RYR3: variants seen among roughly 807,000 people sequenced by gnomAD.
RYR3 encodes the protein ryanodine receptor 3, also known as brain ryanodine receptor-calcium release channel.
In RYR3, 207 loss-of-function variants were observed where a neutral mutation model predicts 584.3. The ratio of observed to expected loss-of-function variants is 0.35; its 90% CI spans 0.32 to 0.40. RYR3 has a LOEUF of 0.40. Among genes scored for constraint, RYR3 ranks in the 10% least tolerant of loss-of-function variants. The pLI, the probability that RYR3 is intolerant of heterozygous loss-of-function variation, is 1.00. For missense variants in RYR3, 5,616 were observed against 6,089.2 expected, an observed-to-expected ratio of 0.92 and a Z score of 2.59; for synonymous variants, 2,416 against 2,248.5, an observed-to-expected ratio of 1.07 and a Z score of -2.11.
chr15:33,341,699 T>G (rs1452799814), intron 1 of RYR3, among the ~76,000 whole-genome samples: 1 of 152,138 alleles, frequency 6.6e-6, no homozygotes, highest in Non-Finnish European at 1.5e-5. Flanking sequence ...GAACCCTTGT[T>G]GAAAAAGGCT....
At chr15:33,834,388 G>A (rs576779969) in intron 86 of RYR3, among the ~76,000 whole-genome samples, 10 of 151,750 alleles carry the variant, frequency 6.6e-5, no homozygotes, top group Admixed American at 3.3e-4. Context: ...AGAAAAGTTC[G>A]TCAGAGATGC....
At position 33,311,132 on chromosome 15, in the gene RYR3, G is replaced by A. The variant is rs559849561; in HGVS notation, c.51+36G>A. ...GCGGCGGGGGCGAGGCCGTGGGCAG[G>A]TGGGGAGGAGCGCGGAGCGCGGCGA... On this transcript the variant is annotated intron_variant, in intron 1 of 103. Coordinates refer to ENST00000634891, the MANE Select transcript of RYR3 (RefSeq NM_001036.6). The surrounding 1 kb of genome is among the most constrained non-coding windows in gnomAD (Gnocchi z 4.4). 2 of 1,510,842 alleles carry A rather than the reference G, an allele frequency of 1.3e-6. No homozygotes were observed. Among genetic ancestry groups the A allele is most frequent in the South Asian group, 1.2e-5 (1 of 80,914 alleles). The allele number at this position is 1,510,842 out of a possible 1,614,324, so 93.6% of individuals were successfully genotyped here. A position where few individuals can be genotyped will look rare whatever the true frequency, so the allele number is the denominator to read the frequency against.
At chr15:33,488,161 C>G (rs1596338052) in intron 2 of RYR3, among the ~76,000 whole-genome samples, 1 of 152,116 alleles carries the variant, frequency 6.6e-6, no homozygotes, top group Non-Finnish European at 1.5e-5. Flanking sequence ...ATACCAAACC[C>G]CTCTTCTTAT....
chr15:33,730,873 T>G (rs1399882134), intron 47 of RYR3, among the ~76,000 whole-genome samples: 1 of 152,260 alleles, frequency 6.6e-6, no homozygotes, highest in African/African-American at 2.4e-5. Flanking sequence ...CAGAGTCAGG[T>G]TCCCTTTAGT....
At chr15:33,660,125 C>T (rs2279663) in intron 33 of RYR3, 72 bp from the exon 34 acceptor site, 165,038 of 1,000,878 alleles carry the variant, frequency 0.16, 15,222 homozygotes, top group East Asian at 0.34. Context: ...CTGGCCATAT[C>T]GGTTAAAATG....
intron 74 of RYR3, chr15:33,815,816 T>G (rs1207374046): frequency 2.5e-6 from 1 of 398,446 alleles, no homozygotes; most frequent in Non-Finnish European, 4.4e-6. Flanking sequence ...AAAAGAAAAC[T>G]TGTATGCTTC....
chr15:33,620,460 A>T (rs1182955443), intron 19 of RYR3, among the ~76,000 whole-genome samples: 1 of 152,072 alleles, frequency 6.6e-6, no homozygotes. Context: ...TACATAGTTG[A>T]CTCAGCACTT....
At chr15:33,619,789 G>A (rs1438546575) in intron 19 of RYR3, among the ~76,000 whole-genome samples, 1 of 152,176 alleles carries the variant, frequency 6.6e-6, no homozygotes, top group Non-Finnish European at 1.5e-5. Flanking sequence ...GACCCCTCTA[G>A]AGTTGAGACC....
At chr15:33,816,235 G>A (rs1402509388) in intron 74 of RYR3, among the ~76,000 whole-genome samples, 2 of 152,146 alleles carry the variant, frequency 1.3e-5, no homozygotes, top group African/African-American at 4.8e-5. Flanking sequence ...GTCAATCCTG[G>A]CTTATCGGGA....
chr15:33,841,712 C>G, intron 90 of RYR3, 152 bp from the exon 91 acceptor site: 1 of 668,972 alleles, frequency 1.5e-6, no homozygotes, highest in South Asian at 2.3e-5. Flanking sequence ...TGTCCAGCCA[C>G]TGTGGATTGA....
chr15:33,762,569 G>A (rs1396958417), intron 60 of RYR3, among the ~76,000 whole-genome samples: 1 of 152,114 alleles, frequency 6.6e-6, no homozygotes, highest in Non-Finnish European at 1.5e-5. Context: ...GGGATATGAA[G>A]GACCTCTTCA....
chr15:33,815,640 C>G (rs538546328), intron 74 of RYR3, among the ~76,000 whole-genome samples: 2 of 152,176 alleles, frequency 1.3e-5, no homozygotes, highest in East Asian at 1.9e-4. Context: ...TGGGTGATCT[C>G]TCTAGCATGG....
chr15:33,840,598 G>A, intron 89 of RYR3: 1 of 584,046 alleles, frequency 1.7e-6, no homozygotes, highest in South Asian at 2.1e-5. Flanking sequence ...AATTGAGTAA[G>A]TTATAGAAGG....
At chr15:33,775,212 C>G (rs1056422846) in intron 64 of RYR3, among the ~76,000 whole-genome samples, 2 of 152,120 alleles carry the variant, frequency 1.3e-5, no homozygotes, top group African/African-American at 4.8e-5. Context: ...CTTGGAGAAG[C>G]CCCTAGGTTA....
intron 1 of RYR3, among the ~76,000 whole-genome samples, chr15:33,387,548 G>A (rs1284888510): frequency 6.6e-6 from 1 of 151,866 alleles, no homozygotes; most frequent in Non-Finnish European, 1.5e-5. Context: ...GTACCTGTCA[G>A]TTTTTTGTTG....
At chr15:33,577,640 T>A (rs903501208) in intron 12 of RYR3, among the ~76,000 whole-genome samples, 3 of 152,162 alleles carry the variant, frequency 2.0e-5, no homozygotes, top group Non-Finnish European at 4.4e-5. Context: ...AAGACTTCAA[T>A]GTAAGACCCA....
intron 94 of RYR3, chr15:33,851,818 G>C (rs2079137163): frequency 6.6e-6 from 1 of 152,074 alleles, no homozygotes; most frequent in African/African-American, 2.4e-5. Context: ...ATTTTTATTT[G>C]TTTTATTTTC....
chr15:33,440,373 C>A (rs1382481543), intron 1 of RYR3, among the ~76,000 whole-genome samples: 1 of 152,180 alleles, frequency 6.6e-6, no homozygotes, highest in Non-Finnish European at 1.5e-5. Context: ...AGAACCACAT[C>A]TTTGAGGCAA....
At chr15:33,461,005 C>A (rs1027684718) in intron 1 of RYR3, among the ~76,000 whole-genome samples, 2 of 131,226 alleles carry the variant, frequency 1.5e-5, no homozygotes, top group Admixed American at 8.6e-5. Context: ...AGTGCAGTGG[C>A]GTGATCTTGG....
Sources: allele counts gnomAD v4.1 joint callset (sites outside exome capture counted in the v4.1 genomes callset), GRCh38; gene constraint gnomAD v4.1.1; non-coding constraint Gnocchi (gnomAD v3.1); transcripts MANE v1.5; gene names NCBI Gene and HGNC (gene_info 2026-07-23, HGNC 2026-07-21).